The following GTF2IRD1 variants were observed in gnomAD, a reference collection of about 807,000 sequenced individuals.
GTF2IRD1 encodes the protein general transcription factor II-I repeat domain-containing protein 1.
Under a neutral mutation model 113.2 loss-of-function variants are expected in GTF2IRD1, and 26 were observed. The ratio of observed to expected loss-of-function variants is 0.23; its 90% confidence interval spans 0.17 to 0.32. The LOEUF (loss-of-function observed/expected upper bound fraction) is 0.32. Among genes scored for constraint, GTF2IRD1 ranks in the 10% least tolerant of loss-of-function variants. GTF2IRD1 has a pLI of 1.00. For missense variants in GTF2IRD1, 864 were observed against 1,280.8 expected (o/e 0.67, Z 4.97); for synonymous variants, 484 against 529.1 (o/e 0.91, Z 1.17).
intron 25 of GTF2IRD1, among the ~76,000 whole-genome samples, chr7:74,599,619 A>G (rs1305919695): frequency 1.3e-5 from 2 of 152,164 alleles, no homozygotes; most frequent in Non-Finnish European, 2.9e-5. Flanking sequence ...CTGCCTGTCT[A>G]CTTGGACCTG....
intron 8 of GTF2IRD1, 93 bp downstream of exon 8, chr7:74,524,247 G>A (rs1439642376): frequency 4.0e-5 from 33 of 822,418 alleles, no homozygotes; most frequent in African/African-American, 1.4e-4. Context: ...ACACGGCAGC[G>A]GGAGCCATAT....
At chr7:74,516,671 G>A (rs1291383079) in intron 4 of GTF2IRD1, among the ~76,000 whole-genome samples, 2 of 152,254 alleles carry the variant, frequency 1.3e-5, no homozygotes, top group African/African-American at 2.4e-5. Flanking sequence ...GGTACCCAGA[G>A]GCCCTGGGTG....
At chr7:74,457,989 C>T (rs957123922) in intron 1 of GTF2IRD1, among the ~76,000 whole-genome samples, 3 of 151,632 alleles carry the variant, frequency 2.0e-5, no homozygotes, top group African/African-American at 7.3e-5. Context: ...AGCGATTCTC[C>T]TGCCTCAAGT....
At chr7:74,552,687 TA>T (rs1799382029) in intron 17 of GTF2IRD1, among the ~76,000 whole-genome samples, 1 of 152,316 alleles carries the variant, frequency 6.6e-6, no homozygotes, top group Non-Finnish European at 1.5e-5. Flanking sequence ...AACCATAAAC[TA>T]GGGGCACCCG....
intron 1 of GTF2IRD1, among the ~76,000 whole-genome samples, chr7:74,494,229 C>T (rs963555472): frequency 2.2e-4 from 34 of 152,320 alleles, no homozygotes; most frequent in African/African-American, 2.9e-4. Flanking sequence ...GATCGCACCA[C>T]GGCACTCCAG....
At chr7:74,524,025 C>T (rs372593073) in intron 7 of GTF2IRD1, 46 bp from the exon 8 acceptor site, 1 of 1,377,556 alleles carries the variant, frequency 7.3e-7, no homozygotes, top group Non-Finnish European at 1.0e-6. Flanking sequence ...GGGCGTGTGA[C>T]CGTCCCGTGG....
intron 1 of GTF2IRD1, 24 bp from the exon 2 acceptor site, chr7:74,508,051 C>G: frequency 6.3e-7 from 1 of 1,594,304 alleles, no homozygotes; most frequent in South Asian, 1.1e-5. Context: ...GTGCCCACCA[C>G]CACTGCCTCC....
chr7:74,562,250 A>C (rs1583893696), intron 22 of GTF2IRD1, among the ~76,000 whole-genome samples: 1 of 152,264 alleles, frequency 6.6e-6, no homozygotes, highest in East Asian at 1.9e-4. Flanking sequence ...GGGAAATAGC[A>C]GACCCCTTCA....
intron 1 of GTF2IRD1, among the ~76,000 whole-genome samples, chr7:74,494,726 T>TA (rs202108644): frequency 0.052 from 7,807 of 151,034 alleles, 301 homozygotes; most frequent in Non-Finnish European, 0.079. Flanking sequence ...CATTTCTATT[T>TA]AAAAAAAACA....
intron 1 of GTF2IRD1, among the ~76,000 whole-genome samples, chr7:74,476,555 G>C (rs1291210514): frequency 6.6e-6 from 1 of 151,866 alleles, no homozygotes; most frequent in Non-Finnish European, 1.5e-5. Context: ...GTAGAGATGG[G>C]GTTTCACTGT....
At chr7:74,514,207 T>G (rs1188919495) in intron 3 of GTF2IRD1, among the ~76,000 whole-genome samples, 1 of 152,002 alleles carries the variant, frequency 6.6e-6, no homozygotes, top group Non-Finnish European at 1.5e-5. Flanking sequence ...TTACTATTAT[T>G]AGTATTCACC....
intron 23 of GTF2IRD1, 62 bp from the exon 24 acceptor site, chr7:74,590,763 C>T: frequency 1.7e-6 from 2 of 1,192,564 alleles, no homozygotes; most frequent in Non-Finnish European, 2.4e-6. Flanking sequence ...AGCCCTTTCC[C>T]TAGAGGGCTT....
At chr7:74,474,742 G>A (rs1244900566) in intron 1 of GTF2IRD1, among the ~76,000 whole-genome samples, 3 of 152,178 alleles carry the variant, frequency 2.0e-5, no homozygotes, top group African/African-American at 7.2e-5. Flanking sequence ...TGCCACTGAT[G>A]GCTGCAACGC....
intron 16 of GTF2IRD1, 28 bp downstream of exon 16, chr7:74,545,837 G>A: frequency 6.4e-7 from 1 of 1,563,000 alleles, no homozygotes; most frequent in Non-Finnish European, 8.8e-7. Flanking sequence ...CAGGGTCTGG[G>A]GGCATCCCGG....
chr7:74,543,528 T>G (rs1470840365), intron 14 of GTF2IRD1, among the ~76,000 whole-genome samples: 3 of 152,206 alleles, frequency 2.0e-5, no homozygotes, highest in South Asian at 4.1e-4. Flanking sequence ...AGGACCACCA[T>G]GGATTAGAGG....
chr7:74,518,348 T>TGGGCTGGGGCTGGGCCA, intron 5 of GTF2IRD1, 26 bp downstream of exon 5: 1 of 1,550,272 alleles, frequency 6.5e-7, no homozygotes, highest in Non-Finnish European at 8.8e-7. Context: ...GGCCCGGGGC[T>TGGGCTGGGGCTGGGCCA]GGGCTGGGGC....
chr7:74,569,781 AGGGCGGAAGGTTCCGGAAGG>A (rs1161442587), intron 22 of GTF2IRD1, among the ~76,000 whole-genome samples: 1 of 152,116 alleles, frequency 6.6e-6, no homozygotes, highest in African/African-American at 2.4e-5. Context: ...GGGTGTGAAG[AGGGCGGAAGGTTCCGGAAGG>A]GTGATGGTGG....
chr7:74,553,862 G>C (rs1799453177), intron 17 of GTF2IRD1, among the ~76,000 whole-genome samples: 2 of 152,200 alleles, frequency 1.3e-5, no homozygotes, highest in South Asian at 2.1e-4. Flanking sequence ...CCCATAAAGA[G>C]GAGGGGCCTA....
intron 24 of GTF2IRD1, among the ~76,000 whole-genome samples, chr7:74,593,181 A>T (rs1263042044): frequency 6.6e-6 from 1 of 151,792 alleles, no homozygotes; most frequent in East Asian, 1.9e-4. Context: ...AAATTACGAT[A>T]ATATTTGCGT....
Sources: allele counts gnomAD v4.1 joint callset (sites outside exome capture counted in the v4.1 genomes callset), GRCh38; gene constraint gnomAD v4.1.1; transcripts MANE v1.5; gene names NCBI Gene and HGNC (gene_info 2026-07-23, HGNC 2026-07-21).